The following SLC8A3 variants were observed in gnomAD, a reference collection of about 807,000 sequenced individuals.
SLC8A3 encodes the protein sodium/calcium exchanger 3.
In SLC8A3, 37 loss-of-function variants were observed where a neutral mutation model predicts 65.4. The ratio of observed to expected loss-of-function variants is 0.57; its 90% confidence interval spans 0.44 to 0.74. The LOEUF (loss-of-function observed/expected upper bound fraction) is 0.74. Ranked by LOEUF, SLC8A3 falls within the 30% of genes least tolerant of loss-of-function variation. The probability of loss-of-function intolerance (pLI) is 0.00; values close to 1 mark genes in which losing one functional copy is unlikely to be tolerated. For missense variants in SLC8A3, 1,112 were observed against 1,172.1 expected, an observed-to-expected ratio of 0.95 and a Z score of 0.75; for synonymous variants, 461 against 444.5, an observed-to-expected ratio of 1.04 and a Z score of -0.47.
At position 70,085,262 on chromosome 14, in the gene SLC8A3, A is replaced by AAACAC. The variant is rs1375420090; in HGVS notation, c.1785-24324_1785-24323insGTGTT. On this transcript the variant is annotated intron_variant, in intron 2 of 6. Transcript: ENST00000356921. ...AGCACCCCATTTTTCATGCACAACA[A>AAACAC]AACAAAACACACCAACACACAAAAT... 4.6e-5 allele frequency among the ~76,000 whole-genome samples: 7 copies of AAACAC among 152,274 alleles called. No homozygotes were observed. The South Asian group carries it at 6.2e-4, about 14-fold the overall frequency.
chr14:70,103,028 C>T (rs1453885113), intron 2 of SLC8A3, among the ~76,000 whole-genome samples: 43 of 151,792 alleles, frequency 2.8e-4, no homozygotes, highest in Admixed American at 2.8e-3. Context: ...TGTTGATAAC[C>T]ACAGATAAAG....
chr14:70,046,151 T>A lies in SLC8A3; in HGVS notation c.2562A>T (p.Thr854=). 1 of 1,614,198 alleles carries A rather than the reference T, an allele frequency of 6.2e-7. No individual in the cohort carries two copies. The highest frequency in any genetic ancestry group is 1.1e-5 in the South Asian group (1 of 91,080). ...QGQEFHVSAG[T]LAFSVTLFTI... is the part of the protein sequence containing the mutation. ...TGAAGAGGGTGACGGAGAAGGCCAG[T>A]GTGCCGGCCGACACGTGGAACTCCT... The change falls in exon 7 of 7, where the codon ACA becomes ACT. Residue 854 remains threonine (T), a synonymous_variant. Coordinates refer to ENST00000356921, the MANE Select transcript of SLC8A3 (RefSeq NM_182932.3). This position sits in a 1 kb window ranked among gnomAD's most constrained non-coding sequence, Gnocchi z 4.2.
chr14:70,065,992 G>A (rs1594922374), intron 2 of SLC8A3, among the ~76,000 whole-genome samples: 2 of 152,354 alleles, frequency 1.3e-5, no homozygotes, highest in East Asian at 3.9e-4. Context: ...GCTCTGGGCT[G>A]GACAGACAAC....
intron 2 of SLC8A3, among the ~76,000 whole-genome samples, chr14:70,162,621 C>T (rs1896955735): frequency 6.6e-6 from 1 of 152,266 alleles, no homozygotes; most frequent in Non-Finnish European, 1.5e-5. Flanking sequence ...GTGCTGAGAG[C>T]CTGGGATATA....
chr14:70,047,462 AG>A (rs1425262858), intron 6 of SLC8A3: 2 of 152,160 alleles, frequency 1.3e-5, no homozygotes, highest in Non-Finnish European at 2.9e-5. Context: ...CAGAGATCAC[AG>A]GGCATCTCAT....
intron 6 of SLC8A3, chr14:70,047,478 A>C (rs562553548): frequency 6.6e-6 from 1 of 152,300 alleles, no homozygotes; most frequent in Non-Finnish European, 1.5e-5. Context: ...TCTCATCCAC[A>C]GGCCTTCCTG....
In SLC8A3 at chr14:70,048,885, G is replaced by A. The variant is rs756876339; in HGVS notation, c.2271C>T (p.Leu757=). 11 of 1,614,104 alleles carry A rather than the reference G, an allele frequency of 6.8e-6. No homozygotes were observed. The Admixed American group carries it at 1.7e-4, about 24-fold the overall frequency. The stretch of plus-strand genomic sequence containing the variant: ...TGATGGCGGTGAGCATGCCAATGAT[G>A]AGGATGGAGACGGCGAAGCAGGCCC... ...HGWACFAVSI[L]IIGMLTAIIG... is the part of the protein sequence containing the mutation. Residue 757 remains leucine (L), a synonymous_variant, in exon 6 of 7, where the codon CTC becomes CTT. Coordinates refer to ENST00000356921, the MANE Select transcript of SLC8A3 (RefSeq NM_182932.3).
At position 70,187,516 on chromosome 14, in the gene SLC8A3, C is replaced by T. The variant is rs543760478; in HGVS notation, c.-63+863G>A. On this transcript the variant is annotated intron_variant, in intron 1 of 6. Coordinates refer to ENST00000356921, the MANE Select transcript of SLC8A3 (RefSeq NM_182932.3). ...CCCCGGAGCAAATTGCTTTCATCAT[C>T]TTTCCCAGTGGCTCGGGTCCTCTGG... 1.4e-4 allele frequency among the ~76,000 whole-genome samples: 22 copies of T among 152,210 alleles called. No individual in the cohort carries two copies. The South Asian group carries it at 4.4e-3, about 30-fold the overall frequency.
At chr14:70,112,510 C>A (rs1172291548) in intron 2 of SLC8A3, among the ~76,000 whole-genome samples, 1 of 152,132 alleles carries the variant, frequency 6.6e-6, no homozygotes, top group Non-Finnish European at 1.5e-5. Flanking sequence ...AGCTTCCTGT[C>A]ATCTCAAAGC....
intron 2 of SLC8A3, among the ~76,000 whole-genome samples, chr14:70,082,698 C>T (rs1163635316): frequency 6.6e-6 from 1 of 152,170 alleles, no homozygotes. Context: ...GTGTCATACA[C>T]CTCTCTGTTT....
chr14:70,166,188 G>A (rs1425169528), intron 2 of SLC8A3, among the ~76,000 whole-genome samples: 1 of 152,220 alleles, frequency 6.6e-6, no homozygotes, highest in Non-Finnish European at 1.5e-5. Context: ...TCTTTAGAAT[G>A]TTCTGATGGG....
chr14:70,073,803 AAG>A (rs1890226035), intron 2 of SLC8A3, among the ~76,000 whole-genome samples: 1 of 152,176 alleles, frequency 6.6e-6, no homozygotes, highest in South Asian at 2.1e-4. Context: ...AATAATTAGG[AAG>A]AGAGAGGAGC....
chr14:70,110,307 C>A (rs916234787), intron 2 of SLC8A3, among the ~76,000 whole-genome samples: 29 of 151,942 alleles, frequency 1.9e-4, no homozygotes, highest in Non-Finnish European at 4.0e-4. Context: ...GTTTTTGTAC[C>A]AGTTAACCAT....
chr14:70,083,909 G>C (rs1256792176), intron 2 of SLC8A3, among the ~76,000 whole-genome samples: 1 of 152,160 alleles, frequency 6.6e-6, no homozygotes, highest in East Asian at 1.9e-4. Flanking sequence ...ATATGAAGAT[G>C]GTCCATTTCC....
At chr14:70,100,530 A>T (rs946528815) in intron 2 of SLC8A3, among the ~76,000 whole-genome samples, 4 of 152,252 alleles carry the variant, frequency 2.6e-5, no homozygotes, top group African/African-American at 9.6e-5. Context: ...TTTAACAGGG[A>T]TAGCAAAGAG....
intron 2 of SLC8A3, among the ~76,000 whole-genome samples, chr14:70,135,984 C>T (rs1380097572): frequency 1.3e-5 from 2 of 152,102 alleles, no homozygotes; most frequent in African/African-American, 4.8e-5. Flanking sequence ...ACACTGTACA[C>T]ATGTATCCAA....
chr14:70,122,327 C>G (rs1027908023), intron 2 of SLC8A3, among the ~76,000 whole-genome samples: 1 of 152,200 alleles, frequency 6.6e-6, no homozygotes, highest in South Asian at 2.1e-4. Flanking sequence ...TCTCAGCCCA[C>G]TCGCAGATGT....
intron 2 of SLC8A3, among the ~76,000 whole-genome samples, chr14:70,143,861 G>A (rs918144952): frequency 3.3e-5 from 5 of 152,084 alleles, no homozygotes; most frequent in Non-Finnish European, 7.4e-5. Flanking sequence ...CGGCTGTCAG[G>A]TGTATACTCA....
intron 2 of SLC8A3, among the ~76,000 whole-genome samples, chr14:70,150,126 A>G (rs1896173212): frequency 6.6e-6 from 1 of 152,240 alleles, no homozygotes; most frequent in South Asian, 2.1e-4. Flanking sequence ...TGACATGTCC[A>G]GGATACTAAT....
Sources: allele counts gnomAD v4.1 joint callset (sites outside exome capture counted in the v4.1 genomes callset), GRCh38; gene constraint gnomAD v4.1.1; non-coding constraint Gnocchi (gnomAD v3.1); transcripts MANE v1.5; gene names NCBI Gene and HGNC (gene_info 2026-07-23, HGNC 2026-07-21).